SPIDR: variants seen among roughly 807,000 people sequenced by gnomAD.
SPIDR encodes the protein DNA repair-scaffolding protein.
Under a neutral mutation model 104.6 loss-of-function variants are expected in SPIDR, and 93 were observed. That is an observed-to-expected ratio of 0.89 (90% CI 0.75 to 1.06). The LOEUF (loss-of-function observed/expected upper bound fraction) is 1.06, where lower values mean the gene tolerates loss of function less well. Among genes scored for constraint, SPIDR ranks in the 50% least tolerant of loss-of-function variants. The pLI, the probability that SPIDR is intolerant of heterozygous loss-of-function variation, is 0.00. For synonymous variants in SPIDR, 431 were observed against 416.9 expected, an observed-to-expected ratio of 1.03 and a Z score of -0.41; for missense variants, 1,154 against 1,111.2, an observed-to-expected ratio of 1.04 and a Z score of -0.55.
At chr8:47,660,839 A>T in intron 10 of SPIDR, 1 of 465,452 alleles carries the variant, frequency 2.1e-6, no homozygotes, top group Middle Eastern at 1.1e-3. Flanking sequence ...AGGACTTAGG[A>T]GAGCTGGCCC....
At chr8:47,679,124 G>A (rs915633861) in intron 11 of SPIDR, among the ~76,000 whole-genome samples, 2 of 152,210 alleles carry the variant, frequency 1.3e-5, no homozygotes, top group East Asian at 3.9e-4. Flanking sequence ...GCACCATGGA[G>A]GTAACCTTGC....
chr8:47,613,923 A>C (rs1395910734), intron 10 of SPIDR, among the ~76,000 whole-genome samples: 1 of 152,156 alleles, frequency 6.6e-6, no homozygotes, highest in Admixed American at 6.5e-5. Flanking sequence ...TTACATAGGT[A>C]AATGTGTGCC....
At chr8:47,277,525 C>G (rs1461288694) in intron 1 of SPIDR, among the ~76,000 whole-genome samples, 2 of 151,424 alleles carry the variant, frequency 1.3e-5, no homozygotes, top group African/African-American at 4.9e-5. Context: ...ATTCCCACCC[C>G]TGCTAATTTT....
At chr8:47,451,033 T>C (rs2071621272) in intron 8 of SPIDR, among the ~76,000 whole-genome samples, 1 of 152,078 alleles carries the variant, frequency 6.6e-6, no homozygotes, top group African/African-American at 2.4e-5. Context: ...CAGGAAAATA[T>C]GGCCCAATAC....
chr8:47,367,050 A>G (rs1331298988), intron 5 of SPIDR, among the ~76,000 whole-genome samples: 1 of 152,218 alleles, frequency 6.6e-6, no homozygotes, highest in East Asian at 1.9e-4. Flanking sequence ...AATATATGGC[A>G]CAGTTGACTT....
upstream of SPIDR, chr8:47,260,935 T>TGCGCTCAGGCGGC (rs1445437390): frequency 7.3e-6 from 9 of 1,226,692 alleles, no homozygotes; most frequent in South Asian, 1.2e-4. Flanking sequence ...GAGGAGGCGG[T>TGCGCTCAGGCGGC]GCGCTCAGGC....
upstream of SPIDR, chr8:47,260,895 C>G: frequency 8.4e-7 from 1 of 1,190,432 alleles, no homozygotes; most frequent in Non-Finnish European, 1.0e-6. Context: ...GGGCGCGGTG[C>G]GGCGCGCCGA....
intron 17 of SPIDR, among the ~76,000 whole-genome samples, chr8:47,727,764 G>A (rs1331613762): frequency 1.3e-5 from 2 of 152,158 alleles, no homozygotes; most frequent in African/African-American, 2.4e-5. Flanking sequence ...TCAGTCCTCC[G>A]GCCTCCCAAG....
chr8:47,491,574 C>G (rs986700027), intron 8 of SPIDR, among the ~76,000 whole-genome samples: 20 of 151,998 alleles, frequency 1.3e-4, no homozygotes, highest in African/African-American at 4.8e-4. Flanking sequence ...GAGGTAGCCA[C>G]CAAACCTACG....
At chr8:47,680,892 G>A (rs1014780055) in intron 11 of SPIDR, among the ~76,000 whole-genome samples, 1 of 152,198 alleles carries the variant, frequency 6.6e-6, no homozygotes, top group Non-Finnish European at 1.5e-5. Context: ...GATCACCTGA[G>A]GTCAGGAGTT....
chr8:47,292,136 CT>C (rs2040021743), intron 4 of SPIDR, among the ~76,000 whole-genome samples: 1 of 152,086 alleles, frequency 6.6e-6, no homozygotes, highest in Non-Finnish European at 1.5e-5. Context: ...AAATCATGTC[CT>C]TTTAGAATTT....
chr8:47,548,204 A>G (rs1336600932), intron 8 of SPIDR, among the ~76,000 whole-genome samples: 1 of 152,250 alleles, frequency 6.6e-6, no homozygotes, highest in South Asian at 2.1e-4. Context: ...CTAAAACTCA[A>G]TAATTTATAT....
intron 16 of SPIDR, among the ~76,000 whole-genome samples, chr8:47,722,303 G>A (rs539595605): frequency 3.2e-4 from 49 of 152,262 alleles, no homozygotes; most frequent in African/African-American, 1.1e-3. Context: ...TAGAATACTA[G>A]GTCATCTGTG....
intron 8 of SPIDR, among the ~76,000 whole-genome samples, chr8:47,519,110 C>T (rs1252302733): frequency 6.6e-6 from 1 of 151,916 alleles, no homozygotes; most frequent in Non-Finnish European, 1.5e-5. Context: ...AGTTCTCTGA[C>T]CTGGCTATGT....
At chr8:47,490,468 C>T (rs1554738139) in intron 8 of SPIDR, among the ~76,000 whole-genome samples, 1 of 152,174 alleles carries the variant, frequency 6.6e-6, no homozygotes, top group Non-Finnish European at 1.5e-5. Context: ...ACTAGAAATA[C>T]CATTTGACCC....
intron 8 of SPIDR, among the ~76,000 whole-genome samples, chr8:47,529,966 A>T (rs2085668773): frequency 6.6e-6 from 1 of 152,224 alleles, no homozygotes; most frequent in Non-Finnish European, 1.5e-5. Context: ...ATATCACTTA[A>T]TGATGGGGAT....
chr8:47,627,064 A>C (rs1254659363), intron 10 of SPIDR, among the ~76,000 whole-genome samples: 2 of 152,232 alleles, frequency 1.3e-5, no homozygotes, highest in Non-Finnish European at 2.9e-5. Flanking sequence ...AGCCATAAAA[A>C]ATGATGAGTT....
intron 8 of SPIDR, among the ~76,000 whole-genome samples, chr8:47,575,602 G>A (rs1387744556): frequency 2.1e-5 from 3 of 146,300 alleles, no homozygotes; most frequent in Admixed American, 6.9e-5. Context: ...AGCCGAGATC[G>A]CGCCACTGCA....
chr8:47,322,857 A>G (rs2046968998), intron 5 of SPIDR, among the ~76,000 whole-genome samples: 1 of 151,914 alleles, frequency 6.6e-6, no homozygotes. Context: ...CAAACAGCGC[A>G]TGTTCTCACT....
Sources: gnomAD v4.1 joint callset for allele counts (sites outside exome capture counted in the v4.1 genomes callset) on GRCh38, gnomAD v4.1.1 for gene constraint, MANE v1.5 for transcripts, NCBI Gene and HGNC (gene_info 2026-07-23, HGNC 2026-07-21) for gene names.